DOCK7: variants seen among roughly 807,000 people sequenced by gnomAD.
The protein encoded by DOCK7 is dedicator of cytokinesis protein 7.
A neutral mutation model predicts 271.0 loss-of-function variants in DOCK7; 138 were observed. The ratio of observed to expected loss-of-function variants is 0.51; its 90% CI spans 0.44 to 0.59. The LOEUF (loss-of-function observed/expected upper bound fraction) is 0.59, where lower values mean the gene tolerates loss of function less well. Ranked by LOEUF, DOCK7 falls within the 20% of genes least tolerant of loss-of-function variation. DOCK7 has a pLI of 0.00. For missense variants in DOCK7, 2,066 were observed against 2,592.4 expected, an observed-to-expected ratio of 0.80 and a Z score of 4.41; for synonymous variants, 823 against 876.1, an observed-to-expected ratio of 0.94 and a Z score of 1.07.
At chr1:62,513,120 A>T (rs535819987) in intron 33 of DOCK7, among the ~76,000 whole-genome samples, 1 of 151,908 alleles carries the variant, frequency 6.6e-6, no homozygotes, top group Admixed American at 6.6e-5. Flanking sequence ...TGAACTTAAA[A>T]CTGCTCTACA....
intron 1 of DOCK7, 129 bp from the exon 2 acceptor site, chr1:62,663,259 G>A: frequency 1.4e-6 from 1 of 705,796 alleles, no homozygotes; most frequent in Non-Finnish European, 2.3e-6. Flanking sequence ...ATAACAATAA[G>A]GCTAGAAATT....
In DOCK7 at chr1:62,528,134, A is replaced by T. The variant is rs1337318679; in HGVS notation, c.3936+17T>A. 10 of 1,593,090 alleles carry T rather than the reference A, an allele frequency of 6.3e-6. No individual in the cohort carries two copies. The highest frequency in any genetic ancestry group is 8.5e-6 in the Non-Finnish European group (10 of 1,170,042). ...GTCTTTCTAGAAAAAAAAATTCTGT[A>T]GGAGGATTGTTTTTACCGTTGACGT... is the stretch of plus-strand genomic sequence containing the variant. On this transcript the variant is annotated intron_variant, in intron 31 of 49. Coordinates refer to ENST00000635253, the MANE Select transcript of DOCK7 (RefSeq NM_001367561.1).
At chr1:62,493,468 C>A (rs192852288) in intron 40 of DOCK7, among the ~76,000 whole-genome samples, 2 of 151,964 alleles carry the variant, frequency 1.3e-5, no homozygotes, top group African/African-American at 2.4e-5. Flanking sequence ...GGGTAAATAC[C>A]GATAAGGCAA....
chr1:62,496,190 G>T, intron 38 of DOCK7, 149 bp downstream of exon 38: 1 of 782,218 alleles, frequency 1.3e-6, no homozygotes. Context: ...AAAACAAAGA[G>T]ATTCAGTCCT....
intron 49 of DOCK7, 83 bp downstream of exon 49, chr1:62,457,455 C>G: frequency 7.4e-7 from 1 of 1,358,696 alleles, no homozygotes; most frequent in Non-Finnish European, 1.0e-6. Context: ...GACAGATGCT[C>G]GAGCTGTAAA....
intron 18 of DOCK7, among the ~76,000 whole-genome samples, chr1:62,575,443 T>C (rs1220034372): frequency 6.6e-5 from 10 of 152,208 alleles, no homozygotes; most frequent in African/African-American, 2.4e-5. Flanking sequence ...CTGTGCCTTA[T>C]GATTTTCTTA....
chr1:62,639,960 A>C (rs1655788715), intron 7 of DOCK7, among the ~76,000 whole-genome samples: 2 of 152,056 alleles, frequency 1.3e-5, no homozygotes, highest in South Asian at 4.1e-4. Flanking sequence ...AACTGCAAAA[A>C]AAATGAATGC....
Position 62,543,765 on chromosome 1 carries a change from G to A in DOCK7, c.2860-20C>T, listed in dbSNP as rs760329728. 1.9e-6 allele frequency: 3 copies of A among 1,543,126 alleles called. No individual in the cohort carries two copies. The highest frequency in any genetic ancestry group is 2.7e-6 in the Non-Finnish European group (3 of 1,125,208). On this transcript the variant is annotated intron_variant, in intron 23 of 49. Transcript: ENST00000635253. ...CATAGCCTATGGAGTGAAGATGAAT[G>A]AATGACGAGATAACATTAACGTTTG...
intron 1 of DOCK7, among the ~76,000 whole-genome samples, chr1:62,674,316 C>CT (rs1660324411): frequency 1.3e-5 from 2 of 152,072 alleles, no homozygotes; most frequent in South Asian, 4.1e-4. Context: ...TAGACCCCCC[C>CT]CACCAACCAT....
chr1:62,680,613 G>C (rs1027683704), intron 1 of DOCK7, among the ~76,000 whole-genome samples: 3 of 152,020 alleles, frequency 2.0e-5, no homozygotes, highest in African/African-American at 7.3e-5. Flanking sequence ...CCTACAAAAC[G>C]GGAGAAAATT....
chr1:62,534,562 C>T (rs1335744136), intron 29 of DOCK7, among the ~76,000 whole-genome samples: 2 of 152,200 alleles, frequency 1.3e-5, no homozygotes, highest in East Asian at 3.9e-4. Context: ...TTACAGCAGG[C>T]TGAAATCATG....
intron 7 of DOCK7, among the ~76,000 whole-genome samples, chr1:62,643,992 A>T (rs1656345824): frequency 1.3e-5 from 2 of 151,948 alleles, no homozygotes; most frequent in African/African-American, 2.4e-5. Flanking sequence ...ATAATATTTT[A>T]AAATAATTAT....
chr1:62,517,737 A>G (rs1644707866), intron 31 of DOCK7, among the ~76,000 whole-genome samples: 1 of 152,214 alleles, frequency 6.6e-6, no homozygotes, highest in Non-Finnish European at 1.5e-5. Flanking sequence ...ATGGAGCAAC[A>G]AATATTTCTT....
chr1:62,502,221 T>C (rs1222655831), intron 37 of DOCK7, among the ~76,000 whole-genome samples: 1 of 152,138 alleles, frequency 6.6e-6, no homozygotes, highest in African/African-American at 2.4e-5. Flanking sequence ...AGTTTTTTTC[T>C]TGGGCTTAAT....
intron 46 of DOCK7, 42 bp from the exon 47 acceptor site, chr1:62,475,393 A>C (rs375364602): frequency 1.3e-6 from 2 of 1,585,318 alleles, no homozygotes; most frequent in Non-Finnish European, 1.7e-6. Context: ...ACTGACTGAA[A>C]ACTATTTAAT....
rs1571791015 is a variant in DOCK7 at position 62,618,873 on chromosome 1, A to G, written c.1520-5T>C. ...AAATGTCTATCTTGAGCTGAGCTGC[A>G]AATTATATATTAAAAAACAATGTAA... On this transcript the variant is annotated splice_region_variant and splice_polypyrimidine_tract_variant and intron_variant, in intron 13 of 49. Coordinates refer to ENST00000635253, the MANE Select transcript of DOCK7 (RefSeq NM_001367561.1). The G allele has an allele frequency of 6.2e-7, 1 of 1,611,066 alleles. No individual in the cohort carries two copies. The highest frequency in any genetic ancestry group is 8.5e-7 in the Non-Finnish European group (1 of 1,178,214).
intron 11 of DOCK7, among the ~76,000 whole-genome samples, chr1:62,630,101 C>A (rs905006434): frequency 6.6e-6 from 1 of 152,104 alleles, no homozygotes; most frequent in Admixed American, 6.5e-5. Flanking sequence ...AATGTGTATT[C>A]GGAGTTCCGA....
At chr1:62,624,068 G>A (rs1653617969) in intron 12 of DOCK7, among the ~76,000 whole-genome samples, 1 of 152,098 alleles carries the variant, frequency 6.6e-6, no homozygotes, top group Non-Finnish European at 1.5e-5. Flanking sequence ...TACTACTCCA[G>A]TTTGTTACGC....
chr1:62,624,352 C>T (rs1308088393), intron 12 of DOCK7, among the ~76,000 whole-genome samples: 1 of 152,058 alleles, frequency 6.6e-6, no homozygotes, highest in Non-Finnish European at 1.5e-5. Context: ...ATCTACTAAG[C>T]TAATTTTCAT....
Sources: gnomAD v4.1 joint callset for allele counts (sites outside exome capture counted in the v4.1 genomes callset) on GRCh38, gnomAD v4.1.1 for gene constraint, MANE v1.5 for transcripts, NCBI Gene and HGNC (gene_info 2026-07-23, HGNC 2026-07-21) for gene names.